The following WASHC5 variants were observed in gnomAD, a reference collection of about 807,000 sequenced individuals.
The protein encoded by WASHC5 is WASH complex subunit 5.
Under a neutral mutation model 150.4 loss-of-function variants are expected in WASHC5, and 101 were observed. The observed-to-expected ratio is 0.67, with a 90% CI of 0.57 to 0.79. The LOEUF is 0.79. WASHC5 is among the 30% of genes least tolerant of loss of function. The probability of loss-of-function intolerance (pLI) is 0.00; values close to 1 mark genes in which losing one functional copy is unlikely to be tolerated. For missense variants in WASHC5, 1,195 were observed against 1,396.3 expected (o/e 0.86, Z 2.30); for synonymous variants, 467 against 491.2 (o/e 0.95, Z 0.65).
At position 125,073,206 on chromosome 8, in the gene WASHC5, A is replaced by T. The variant is rs750747652; in HGVS notation, c.1097T>A (p.Leu366Gln). 6.2e-7 allele frequency: 1 copy of T among 1,614,172 alleles called. No individual in the cohort carries two copies. Among genetic ancestry groups the T allele is most frequent in the East Asian group, 2.2e-5 (1 of 44,878 alleles). The change falls in exon 9 of 29, where the codon CTG becomes CAG. Residue 366 changes from leucine (L) to glutamine (Q), a missense_variant. Transcript: ENST00000318410. ...LDNIPKLLNC[L>Q]RDCNVAIRWL... Reference sequence around the variant, plus strand: ...TCGGATGGCAACATTGCAGTCTCTCAGGCAGTTCAGAAGCTTTGGGATATT... The same window carrying T: ...TCGGATGGCAACATTGCAGTCTCTCTGGCAGTTCAGAAGCTTTGGGATATT...
intron 7 of WASHC5, among the ~76,000 whole-genome samples, chr8:125,075,679 T>A (rs1817035766): frequency 6.6e-6 from 1 of 152,196 alleles, no homozygotes; most frequent in Non-Finnish European, 1.5e-5. Context: ...GCTGTTCTCA[T>A]ACTACCAATA....
rs1231934033 is a variant in WASHC5, at chr8:125,073,225, G to A, written c.1078C>T (p.Pro360Ser). 1.2e-6 allele frequency: 2 copies of A among 1,614,042 alleles called. No homozygotes were observed. Among genetic ancestry groups the A allele is most frequent in the South Asian group, 1.1e-5 (1 of 91,084 alleles). ...TCTCTCAGGCAGTTCAGAAGCTTTG[G>A]GATATTGTCCAGAACCATCTCCTCC... is the stretch of plus-strand genomic sequence containing the variant. ...LREEMVLDNI[P>S]KLLNCLRDCN... Residue 360 changes from proline to serine, a missense_variant, in exon 9 of 29, where the codon CCA becomes TCA. By Grantham distance (74) the Pro-to-Ser change is moderately conservative. This residue lies in a region of WASHC5 where 997 missense variants were observed against 1,168.1 expected (regional missense o/e 0.85). Transcript: ENST00000318410.
At chr8:125,047,394 C>G in intron 19 of WASHC5, 63 bp from the exon 20 acceptor site, 1 of 1,513,234 alleles carries the variant, frequency 6.6e-7, no homozygotes, top group South Asian at 1.1e-5. Flanking sequence ...TATCCCTTTT[C>G]CATATAATTT....
At chr8:125,039,962 G>T in intron 23 of WASHC5, 64 bp from the exon 24 acceptor site, 1 of 1,059,326 alleles carries the variant, frequency 9.4e-7, no homozygotes, top group Non-Finnish European at 1.4e-6. Flanking sequence ...CAGTGAGGAG[G>T]TAAACACAAA....
rs190254406 is a variant in WASHC5, at chr8:125,080,424, T to C, written c.518+1237A>G. Among the ~76,000 whole-genome samples, 627 of 152,322 alleles carry C rather than the reference T, an allele frequency of 4.1e-3. 3 individuals carry two copies. The highest frequency in any genetic ancestry group is 5.8e-3 in the Non-Finnish European group (394 of 68,018). On this transcript the variant is annotated intron_variant, in intron 5 of 28. Transcript: ENST00000318410. The stretch of plus-strand genomic sequence containing the variant: ...GAATGAACACTGCTAGAACACTCCC[T>C]TCAGCTGAAAGGAAAAGGCTAGTTG...
At chr8:125,062,236 T>C (rs1816617080) in intron 11 of WASHC5, among the ~76,000 whole-genome samples, 1 of 152,198 alleles carries the variant, frequency 6.6e-6, no homozygotes, top group Non-Finnish European at 1.5e-5. Context: ...AATGATTACA[T>C]TTTTAAGCCT....
chr8:125,052,315 A>G (rs989657019), intron 17 of WASHC5, among the ~76,000 whole-genome samples: 1 of 152,154 alleles, frequency 6.6e-6, no homozygotes, highest in Non-Finnish European at 1.5e-5. Flanking sequence ...TCCTTCCCGC[A>G]TTCTCACTAA....
chr8:125,024,914 A>G (rs1444940129), intron 28 of WASHC5, among the ~76,000 whole-genome samples: 1 of 151,940 alleles, frequency 6.6e-6, no homozygotes, highest in African/African-American at 2.4e-5. Context: ...TCCAAATCTG[A>G]GCTTCTTGGC....
intron 10 of WASHC5, among the ~76,000 whole-genome samples, chr8:125,064,858 G>A (rs1816702318): frequency 6.6e-6 from 1 of 152,152 alleles, no homozygotes; most frequent in African/African-American, 2.4e-5. Context: ...TGCGGGGCCT[G>A]TAGAGGAAGA....
intron 28 of WASHC5, among the ~76,000 whole-genome samples, chr8:125,025,743 AAAATATTTTTTT>A (rs1327039768): frequency 6.6e-6 from 1 of 152,130 alleles, no homozygotes; most frequent in Non-Finnish European, 1.5e-5. Context: ...AAAATTTAAA[AAAATATTTTTTT>A]AATCTTAATC....
chr8:125,031,824 C>T (rs896994321), intron 27 of WASHC5, among the ~76,000 whole-genome samples: 1 of 152,190 alleles, frequency 6.6e-6, no homozygotes, highest in African/African-American at 2.4e-5. Context: ...CATGCAGACA[C>T]TGCCCAGGCT....
chr8:125,070,462 G>A (rs577332558), intron 9 of WASHC5, among the ~76,000 whole-genome samples: 30 of 152,342 alleles, frequency 2.0e-4, no homozygotes, highest in Admixed American at 5.2e-4. Context: ...GCGAATTCAG[G>A]AGACTGCCGG....
At position 125,043,829 on chromosome 8, in the gene WASHC5, A is replaced by C; in HGVS notation, c.2846T>G (p.Met949Arg). ...ACCCTCTCTTCTACAACATACCTTC[A>C]TTATAGCCTCGAGATACGCAGTCCA... ...KIWTAYLEAI[M>R]KVGQMQILRQ... Residue 949 changes from methionine (M) to arginine (R), a missense_variant, in exon 23 of 29, where the codon ATG becomes AGG. Physicochemically the swap from Met to Arg is moderately conservative, Grantham distance 91. Transcript: ENST00000318410. 1 of 1,605,742 alleles carries C rather than the reference A, an allele frequency of 6.2e-7. No individual in the cohort carries two copies. The highest frequency in any genetic ancestry group is 8.5e-7 in the Non-Finnish European group (1 of 1,172,454).
chr8:125,038,796 C>A, intron 25 of WASHC5, 34 bp downstream of exon 25: 2 of 1,612,134 alleles, frequency 1.2e-6, no homozygotes, highest in South Asian at 1.1e-5. Flanking sequence ...ATTCTGTACC[C>A]CCATCCCCGC....
At chr8:125,057,489 C>T in intron 15 of WASHC5, 67 bp downstream of exon 15, 5 of 1,068,506 alleles carry the variant, frequency 4.7e-6, no homozygotes, top group Non-Finnish European at 7.1e-6. Flanking sequence ...GGGGCCTAAG[C>T]ATACTTTTTG....
intron 23 of WASHC5, among the ~76,000 whole-genome samples, chr8:125,041,164 T>C (rs1401722905): frequency 6.6e-6 from 1 of 152,212 alleles, no homozygotes; most frequent in Non-Finnish European, 1.5e-5. Context: ...GTCTGCATCA[T>C]AAGGTCAACA....
rs545786755 is a variant in WASHC5 at position 125,047,491 on chromosome 8, G to A, written c.2380-160C>T. On this transcript the variant is annotated intron_variant, in intron 19 of 28. Transcript: ENST00000318410. ...CTCGCTCTGTCCCCCAGGCTGGAGT[G>A]CAGTGGCATGATCTTGGCTCACTGC... Among the ~76,000 whole-genome samples the A allele has an allele frequency of 1.1e-3, 163 of 151,914 alleles. 1 individual carries two copies. Among genetic ancestry groups the A allele is most frequent in the African/African-American group, 3.6e-3 (151 of 41,430 alleles).
intron 27 of WASHC5, 74 bp from the exon 28 acceptor site, chr8:125,028,781 A>G: frequency 3.1e-6 from 3 of 981,508 alleles, no homozygotes; most frequent in Non-Finnish European, 4.9e-6. Context: ...ATCCTGAAAG[A>G]CTAAATTACC....
At chr8:125,086,507 C>A (rs1343513111) in intron 1 of WASHC5, among the ~76,000 whole-genome samples, 1 of 152,148 alleles carries the variant, frequency 6.6e-6, no homozygotes, top group Non-Finnish European at 1.5e-5. Context: ...TGGATTAGGG[C>A]CTATCCTAGT....
Sources: allele counts gnomAD v4.1 joint callset (sites outside exome capture counted in the v4.1 genomes callset), GRCh38; gene constraint gnomAD v4.1.1; regional missense constraint gnomAD v4.1.1; transcripts MANE v1.5; gene names NCBI Gene and HGNC (gene_info 2026-07-23, HGNC 2026-07-21).